SMOC1: variants seen among roughly 807,000 people sequenced by gnomAD.
SMOC1 encodes the protein SPARC related modular calcium binding 1, also known as SPARC-related modular calcium-binding protein 1.
Under a neutral mutation model 56.3 loss-of-function variants are expected in SMOC1, and 22 were observed. The observed-to-expected ratio is 0.39, with a 90% CI of 0.28 to 0.56. The LOEUF (loss-of-function observed/expected upper bound fraction) is 0.56, where lower values mean the gene tolerates loss of function less well. Among genes scored for constraint, SMOC1 ranks in the 20% least tolerant of loss-of-function variants. The pLI is 0.61. For missense variants in SMOC1, 509 were observed against 565.4 expected, an observed-to-expected ratio of 0.90 and a Z score of 1.01; for synonymous variants, 193 against 215.0, an observed-to-expected ratio of 0.90 and a Z score of 0.89.
intron 1 of SMOC1, among the ~76,000 whole-genome samples, chr14:69,916,300 C>T (rs36037055): frequency 0.21 from 31,388 of 152,200 alleles, 3,422 homozygotes; most frequent in Admixed American, 0.3. Flanking sequence ...AGAATCTACC[C>T]GCTTCTTGCC....
chr14:69,972,468 C>A (rs7152091), intron 3 of SMOC1, among the ~76,000 whole-genome samples: 75,793 of 151,972 alleles, frequency 0.5, 20,268 homozygotes, highest in African/African-American at 0.69. Flanking sequence ...TGTATACCCC[C>A]GCCCTCACAG....
intron 6 of SMOC1, among the ~76,000 whole-genome samples, chr14:69,993,460 G>A (rs763262318): frequency 6.6e-6 from 1 of 152,142 alleles, no homozygotes; most frequent in Non-Finnish European, 1.5e-5. Context: ...GCAATATGTA[G>A]CAAACTTTGA....
At chr14:70,011,450 CCCTCCCAA>C in intron 8 of SMOC1, 27 bp from the exon 9 acceptor site, 2 of 1,316,142 alleles carry the variant, frequency 1.5e-6, no homozygotes, top group Non-Finnish European at 1.1e-6. Context: ...AGTTGCCAGC[CCCTCCCAA>C]CCCCCCCCAT....
chr14:69,896,709 G>C (rs537070812), intron 1 of SMOC1, among the ~76,000 whole-genome samples: 280 of 152,300 alleles, frequency 1.8e-3, no homozygotes, highest in Non-Finnish European at 2.7e-3. Flanking sequence ...TCTGATATAG[G>C]TCAGGAGGAT....
chr14:69,946,442 C>T (rs562949455), intron 1 of SMOC1, among the ~76,000 whole-genome samples: 1 of 152,254 alleles, frequency 6.6e-6, no homozygotes, highest in Admixed American at 6.5e-5. Flanking sequence ...TACAATTATC[C>T]CAGCTCCTTT....
intron 3 of SMOC1, among the ~76,000 whole-genome samples, chr14:69,968,596 C>T (rs1883653034): frequency 6.6e-6 from 1 of 152,188 alleles, no homozygotes; most frequent in Non-Finnish European, 1.5e-5. Flanking sequence ...GGACCAACAG[C>T]AAGATGTTTA....
rs145120431 is a variant in SMOC1, at chr14:70,024,367, A to G, written c.1291+920A>G. On this transcript the variant is annotated intron_variant, in intron 11 of 11. Transcript: ENST00000361956. ...CAGCAAACAATGGCCTGAATGCTCA[A>G]TCTAGTCTGTGGCCTGTTTTTGTAC... Among the ~76,000 whole-genome samples, 14 of 152,340 alleles carry G rather than the reference A, an allele frequency of 9.2e-5. No homozygotes were observed. In the East Asian group the frequency reaches 1.3e-3, roughly 15 times the overall value.
intron 1 of SMOC1, among the ~76,000 whole-genome samples, chr14:69,902,852 G>A (rs1013350655): frequency 6.6e-6 from 1 of 152,180 alleles, no homozygotes; most frequent in African/African-American, 2.4e-5. Flanking sequence ...GCTCCTAACT[G>A]CGAGTGATCT....
intron 10 of SMOC1, among the ~76,000 whole-genome samples, chr14:70,017,920 A>G (rs1411361915): frequency 2.0e-5 from 3 of 152,176 alleles, no homozygotes; most frequent in Non-Finnish European, 4.4e-5. Flanking sequence ...GAGTGGGAAA[A>G]TGCCTGACCT....
At chr14:69,995,869 A>G (rs934296908) in intron 7 of SMOC1, among the ~76,000 whole-genome samples, 5 of 152,194 alleles carry the variant, frequency 3.3e-5, no homozygotes, top group African/African-American at 1.2e-4. Context: ...AAGCAAAGGC[A>G]TCTATTAGGC....
intron 11 of SMOC1, among the ~76,000 whole-genome samples, chr14:70,027,805 T>C (rs1305120875): frequency 6.6e-6 from 1 of 152,222 alleles, no homozygotes; most frequent in Non-Finnish European, 1.5e-5. Context: ...ACCTGGTACA[T>C]AGCGAAGGCA....
intron 11 of SMOC1, among the ~76,000 whole-genome samples, chr14:70,025,303 TCCTCAGTTGTCAGAGTA>T (rs1302414664): frequency 3.9e-5 from 6 of 152,186 alleles, no homozygotes; most frequent in Admixed American, 3.9e-4. Flanking sequence ...TTTTCCTTGT[TCCTCAGTTGTCAGAGTA>T]AACCCAAAGA....
intron 3 of SMOC1, among the ~76,000 whole-genome samples, chr14:69,975,146 C>CT (rs1883902349): frequency 1.3e-5 from 2 of 152,118 alleles, no homozygotes; most frequent in Non-Finnish European, 2.9e-5. Flanking sequence ...GACTTCAAGA[C>CT]TACCCTGGCT....
chr14:69,955,339 C>T (rs1400148402), intron 3 of SMOC1, among the ~76,000 whole-genome samples: 2 of 152,136 alleles, frequency 1.3e-5, no homozygotes, highest in African/African-American at 4.8e-5. Flanking sequence ...GCACGAAGCT[C>T]AGCCCCCACC....
intron 5 of SMOC1, among the ~76,000 whole-genome samples, chr14:69,985,170 A>T (rs1348945695): frequency 6.6e-6 from 1 of 152,234 alleles, no homozygotes; most frequent in East Asian, 1.9e-4. Context: ...GCCACAGGAA[A>T]TGCAAAATAA....
chr14:69,917,077 G>C (rs1378021447), intron 1 of SMOC1, among the ~76,000 whole-genome samples: 1 of 152,222 alleles, frequency 6.6e-6, no homozygotes, highest in Non-Finnish European at 1.5e-5. Context: ...GCCTCAATTT[G>C]TAGGACAGAT....
At position 69,994,453 on chromosome 14, in the gene SMOC1, C is replaced by T. The variant is rs1419216885; in HGVS notation, c.637C>T (p.Leu213=). The change falls in exon 7 of 12, where the codon CTG becomes TTG. Residue 213 remains leucine (L), a synonymous_variant. Transcript: ENST00000361956. The part of the protein sequence containing the change: ...IKHLVIKDSK[L]NNTNIRNSEK... ...ACACTTGGTGATCAAGGACTCCAAACTGAACAACACCAACATAAGAAATTC... is the reference window on the plus strand; with the variant it reads ...ACACTTGGTGATCAAGGACTCCAAATTGAACAACACCAACATAAGAAATTC... 2 of 1,613,854 alleles carry T rather than the reference C, an allele frequency of 1.2e-6. No individual in the cohort carries two copies. Among genetic ancestry groups the T allele is most frequent in the East Asian group, 2.2e-5 (1 of 44,890 alleles).
intron 1 of SMOC1, among the ~76,000 whole-genome samples, chr14:69,912,528 C>T (rs1264378450): frequency 6.6e-6 from 1 of 152,204 alleles, no homozygotes; most frequent in Non-Finnish European, 1.5e-5. Flanking sequence ...GCTGAGATTA[C>T]AGGCATGAGT....
At chr14:69,983,231 AG>A in intron 5 of SMOC1, among the ~76,000 whole-genome samples, 1 of 152,344 alleles carries the variant, frequency 6.6e-6, no homozygotes, top group Admixed American at 6.5e-5. Context: ...AATAAGATTT[AG>A]GGATCTGGAA....
Sources: allele counts gnomAD v4.1 joint callset (sites outside exome capture counted in the v4.1 genomes callset), GRCh38; gene constraint gnomAD v4.1.1; transcripts MANE v1.5; gene names NCBI Gene and HGNC (gene_info 2026-07-23, HGNC 2026-07-21).